Variants in SLC7A2 observed in about 807,000 individuals in gnomAD.
SLC7A2 encodes cationic amino acid transporter 2.
In SLC7A2, 48 loss-of-function variants were observed where a neutral mutation model predicts 58.9. That is an observed-to-expected ratio of 0.82 (90% CI 0.65 to 1.04). The LOEUF is 1.04. Ranked by LOEUF, SLC7A2 falls within the 50% of genes least tolerant of loss-of-function variation. The pLI is 0.00. For missense variants in SLC7A2, 1,029 were observed against 818.8 expected (o/e 1.26, Z -3.13); for synonymous variants, 363 against 314.5 (o/e 1.15, Z -1.63).
intron 9 of SLC7A2, among the ~76,000 whole-genome samples, chr8:17,560,002 A>G (rs1802886650): frequency 6.6e-6 from 1 of 152,136 alleles, no homozygotes; most frequent in African/African-American, 2.4e-5. Flanking sequence ...GTTTTCATGA[A>G]CCGCATTTCC....
chr8:17,515,299 C>CTTT (rs568764967), intron 2 of SLC7A2, among the ~76,000 whole-genome samples: 4 of 138,232 alleles, frequency 2.9e-5, no homozygotes, highest in African/African-American at 8.0e-5. Flanking sequence ...ACATCTTTTT[C>CTTT]TTTTTTTTTT....
At chr8:17,495,341 G>A (rs1247114764), upstream of SLC7A2, among the ~76,000 whole-genome samples, 1 of 152,066 alleles carries the variant, frequency 6.6e-6, no homozygotes, top group African/African-American at 2.4e-5. Context: ...CTTGAACAAC[G>A]CCTCCTAGCC....
chr8:17,520,298 G>T (rs917471007), intron 2 of SLC7A2, among the ~76,000 whole-genome samples: 2 of 152,054 alleles, frequency 1.3e-5, no homozygotes, highest in Non-Finnish European at 2.9e-5. Flanking sequence ...TGTATGTGGT[G>T]TATGTGTATA....
intron 3 of SLC7A2, among the ~76,000 whole-genome samples, chr8:17,544,121 C>T (rs2705018): frequency 0.53 from 80,773 of 152,062 alleles, 22,889 homozygotes; most frequent in Admixed American, 0.64. Flanking sequence ...CCACTCACCT[C>T]GGCCTCCCAA....
chr8:17,558,996 G>A (rs543878920), intron 9 of SLC7A2, among the ~76,000 whole-genome samples: 2 of 152,142 alleles, frequency 1.3e-5, no homozygotes, highest in Non-Finnish European at 2.9e-5. Context: ...TTATATGCCT[G>A]GATGAAATTG....
chr8:17,565,385 T>C lies in SLC7A2; in HGVS notation c.*239T>C. 2 of 489,952 alleles carry C rather than the reference T, an allele frequency of 4.1e-6. No individual in the cohort carries two copies. Among genetic ancestry groups the C allele is most frequent in the Non-Finnish European group, 7.3e-6 (2 of 274,796 alleles). The allele number at this position is 489,952 out of a possible 1,614,324, so 30.4% of individuals were successfully genotyped here. ...GAATAGCCCCCAAACAGTGGGAGTG[T>C]GTATGTATGTGTGTATGTATGTATC... On this transcript the variant is annotated 3_prime_UTR_variant, in exon 13 of 13. Transcript: ENST00000494857.
At chr8:17,517,255 A>G (rs1395386011) in intron 2 of SLC7A2, among the ~76,000 whole-genome samples, 1 of 152,228 alleles carries the variant, frequency 6.6e-6, no homozygotes, top group African/African-American at 2.4e-5. Context: ...TCCTGATATT[A>G]TCAGAGGTCA....
intron 2 of SLC7A2, among the ~76,000 whole-genome samples, chr8:17,514,391 A>G (rs1800720100): frequency 6.6e-6 from 1 of 152,196 alleles, no homozygotes; most frequent in Non-Finnish European, 1.5e-5. Flanking sequence ...GAGCCCAGAA[A>G]ACCCGTGTTT....
rs527251025 is a variant in SLC7A2 at position 17,561,709 on chromosome 8, C to T, written c.1505-235C>T. Among the ~76,000 whole-genome samples the T allele has an allele frequency of 2.3e-4, 35 of 152,184 alleles. No individual in the cohort carries two copies. The South Asian group carries it at 6.2e-3, about 27-fold the overall frequency. The stretch of plus-strand genomic sequence containing the variant: ...TGCCAGTGAGTAACACTAGGAGGGG[C>T]GGTTGGTTCTAAGGAGGGGAGAGTA... On this transcript the variant is annotated intron_variant, in intron 10 of 12. Coordinates refer to ENST00000494857, the MANE Select transcript of SLC7A2 (RefSeq NM_001370338.1).
intron 2 of SLC7A2, among the ~76,000 whole-genome samples, chr8:17,518,552 G>A (rs1800891184): frequency 6.6e-6 from 1 of 152,072 alleles, no homozygotes; most frequent in Admixed American, 6.6e-5. Flanking sequence ...TCTGAGCTCT[G>A]GAAAAATGTA....
At chr8:17,536,161 G>A (rs1202898822) in intron 2 of SLC7A2, among the ~76,000 whole-genome samples, 1 of 151,916 alleles carries the variant, frequency 6.6e-6, no homozygotes, top group African/African-American at 2.4e-5. Context: ...TAGAGCCCTT[G>A]GTATTCCTGG....
rs763486369 is a variant in SLC7A2 at position 17,544,545 on chromosome 8, T to A, written c.471T>A (p.Asn157Lys). Residue 157 changes from asparagine (N) to lysine (K), a missense_variant, in exon 4 of 13, where the codon AAT becomes AAA. Transcript: ENST00000494857. ...TTTTGAGGACATACTTCAGAATGAA[T>A]TACACTGGTCTTGCAGAATATCCCG... ...GQFLRTYFRMNYTGLAEYPDF... is the reference protein window; with the variant it reads ...GQFLRTYFRMKYTGLAEYPDF... 4 of 1,613,942 alleles carry A rather than the reference T, an allele frequency of 2.5e-6. No individual in the cohort carries two copies. The highest frequency in any genetic ancestry group is 2.5e-6 in the Non-Finnish European group (3 of 1,179,966).
chr8:17,565,064 A>T lies in SLC7A2; in HGVS notation c.1895A>T (p.Lys632Ile). Residue 632 changes from lysine (K) to isoleucine (I), a missense_variant, in exon 13 of 13, where the codon AAA becomes ATA. Coordinates refer to ENST00000494857, the MANE Select transcript of SLC7A2 (RefSeq NM_001370338.1). Reference sequence around the variant, plus strand: ...AACGTTCATGCAGCAGCAGAAGAAAAATCTGCCATTCAAGCAAATGACCAT... The same window carrying T: ...AACGTTCATGCAGCAGCAGAAGAAATATCTGCCATTCAAGCAAATGACCAT... ...PDNVHAAAEE[K>I]SAIQANDHHP... 4 of 1,614,016 alleles carry T rather than the reference A, an allele frequency of 2.5e-6. No homozygotes were observed. The highest frequency in any genetic ancestry group is 3.4e-6 in the Non-Finnish European group (4 of 1,179,950).
intron 2 of SLC7A2, among the ~76,000 whole-genome samples, chr8:17,511,978 G>C (rs1373918210): frequency 3.9e-5 from 6 of 152,062 alleles, no homozygotes; most frequent in African/African-American, 4.8e-5. Flanking sequence ...GAAATCTTTG[G>C]CGTACTTGGC....
intron 2 of SLC7A2, chr8:17,511,344 C>T (rs780908041): frequency 6.6e-6 from 1 of 152,072 alleles, no homozygotes; most frequent in Non-Finnish European, 1.5e-5. Context: ...TTGATGTTTC[C>T]AGCACTTTTA....
intron 12 of SLC7A2, among the ~76,000 whole-genome samples, chr8:17,564,673 G>T (rs1292728464): frequency 6.6e-6 from 1 of 152,116 alleles, no homozygotes; most frequent in Non-Finnish European, 1.5e-5. Flanking sequence ...ATGCTGCCCT[G>T]CTCTGACAGG....
At position 17,558,349 on chromosome 8, in the gene SLC7A2, G is replaced by A; in HGVS notation, c.1250G>A (p.Gly417Asp). 6.2e-7 allele frequency: 1 copy of A among 1,613,282 alleles called. No individual in the cohort carries two copies. The highest frequency in any genetic ancestry group is 8.5e-7 in the Non-Finnish European group (1 of 1,179,634). ...GCGCTTGTGGACATGATGTCCATTG[G>A]CACACTCATGGCCTACTCTCTGGTG... ...LKALVDMMSI[G>D]TLMAYSLVAA... Residue 417 changes from glycine to aspartate, a missense_variant, in exon 9 of 13, where the codon GGC becomes GAC. Transcript: ENST00000494857.
chr8:17,506,149 T>C (rs1452136895), intron 2 of SLC7A2, among the ~76,000 whole-genome samples: 2 of 152,180 alleles, frequency 1.3e-5, no homozygotes, highest in African/African-American at 4.8e-5. Context: ...TCTGTACAAT[T>C]CATCAAGAAC....
chr8:17,507,828 A>G (rs1050791035), intron 2 of SLC7A2, among the ~76,000 whole-genome samples: 1 of 152,212 alleles, frequency 6.6e-6, no homozygotes, highest in Non-Finnish European at 1.5e-5. Context: ...GCATTTAGAA[A>G]TAAGTGTTAC....
Sources: gnomAD v4.1 joint callset for allele counts (sites outside exome capture counted in the v4.1 genomes callset) on GRCh38, gnomAD v4.1.1 for gene constraint, MANE v1.5 for transcripts, NCBI Gene and HGNC (gene_info 2026-07-23, HGNC 2026-07-21) for gene names.